RPS6KC1: variants seen among roughly 807,000 people sequenced by gnomAD.
RPS6KC1 encodes the protein inactive ribosomal protein S6 kinase delta-1.
A neutral mutation model predicts 103.8 loss-of-function variants in RPS6KC1; 54 were observed. The observed-to-expected ratio is 0.52, with a 90% CI of 0.42 to 0.65. RPS6KC1 has a LOEUF of 0.65. Among genes scored for constraint, RPS6KC1 ranks in the 30% least tolerant of loss-of-function variants. The probability of loss-of-function intolerance (pLI) is 0.00; values close to 1 mark genes in which losing one functional copy is unlikely to be tolerated. For missense variants in RPS6KC1, 1,151 were observed against 1,253.8 expected, an observed-to-expected ratio of 0.92 and a Z score of 1.24; for synonymous variants, 439 against 438.7, an observed-to-expected ratio of 1.00 and a Z score of -0.01.
At chr1:213,389,791 A>G in the RPS6KC1 span, among the ~76,000 whole-genome samples, 1 of 152,124 alleles carries the variant, frequency 6.6e-6, no homozygotes, top group Non-Finnish European at 1.5e-5. Context: ...GCACCCGAGC[A>G]AAGGGCAATC....
intron 3 of RPS6KC1, among the ~76,000 whole-genome samples, chr1:213,081,881 C>T (rs1306263979): frequency 6.6e-6 from 1 of 152,124 alleles, no homozygotes; most frequent in Non-Finnish European, 1.5e-5. Flanking sequence ...CGTTGAATGA[C>T]AGTTAACAGC....
chr1:213,356,687 C>T, the RPS6KC1 span, among the ~76,000 whole-genome samples: 21 of 152,212 alleles, frequency 1.4e-4, no homozygotes, highest in Non-Finnish European at 2.4e-4. Context: ...AAGCCTGCCC[C>T]CAGATAACGT....
chr1:213,658,877 C>T, the RPS6KC1 span, among the ~76,000 whole-genome samples: 2 of 152,170 alleles, frequency 1.3e-5, no homozygotes, highest in Non-Finnish European at 2.9e-5. Flanking sequence ...CTCTGCATCT[C>T]CAGCCCTCCG....
chr1:213,211,344 A>G (rs917829819), intron 8 of RPS6KC1, among the ~76,000 whole-genome samples: 1 of 152,256 alleles, frequency 6.6e-6, no homozygotes, highest in African/African-American at 2.4e-5. Context: ...CAGATTCTTC[A>G]CAAAAACAGA....
At chr1:213,437,994 A>T in the RPS6KC1 span, among the ~76,000 whole-genome samples, 2 of 150,928 alleles carry the variant, frequency 1.3e-5, no homozygotes, top group South Asian at 2.1e-4. Flanking sequence ...ATTTCAATTC[A>T]TTTTTTTACT....
At chr1:213,231,368 T>A (rs2094101555) in intron 9 of RPS6KC1, among the ~76,000 whole-genome samples, 1 of 152,184 alleles carries the variant, frequency 6.6e-6, no homozygotes, top group South Asian at 2.1e-4. Flanking sequence ...ACTAAATGAA[T>A]AAGGAGAGAG....
intron 7 of RPS6KC1, among the ~76,000 whole-genome samples, chr1:213,174,093 A>G (rs913818941): frequency 6.6e-5 from 10 of 152,190 alleles, no homozygotes; most frequent in Non-Finnish European, 1.5e-4. Flanking sequence ...CTTTTGCCAA[A>G]ATCACAAGCA....
chr1:213,441,460 G>A, the RPS6KC1 span, among the ~76,000 whole-genome samples: 1 of 152,088 alleles, frequency 6.6e-6, no homozygotes, highest in Admixed American at 6.6e-5. Flanking sequence ...TCTGTGCCTG[G>A]CTTATTTCAC....
At chr1:213,196,951 C>T (rs1296623018) in intron 8 of RPS6KC1, among the ~76,000 whole-genome samples, 1 of 152,154 alleles carries the variant, frequency 6.6e-6, no homozygotes, top group Non-Finnish European at 1.5e-5. Flanking sequence ...ATTCTTCTGC[C>T]TCAGCCTCCT....
At chr1:213,346,657 T>A in the RPS6KC1 span, among the ~76,000 whole-genome samples, 2 of 152,194 alleles carry the variant, frequency 1.3e-5, no homozygotes, top group Non-Finnish European at 2.9e-5. Context: ...ATAATCTGTG[T>A]GTACTGACAT....
chr1:213,488,776 C>T, the RPS6KC1 span, among the ~76,000 whole-genome samples: 4 of 152,170 alleles, frequency 2.6e-5, no homozygotes, highest in Non-Finnish European at 5.9e-5. Flanking sequence ...TCCAAAGATT[C>T]CAATCTTTAT....
the RPS6KC1 span, among the ~76,000 whole-genome samples, chr1:213,850,796 C>CT: frequency 0.59 from 83,820 of 142,022 alleles, 25,184 homozygotes; most frequent in East Asian, 0.76. Context: ...GCTTACTTGG[C>CT]TTTTTTTTTT....
At chr1:213,300,186 A>G in the RPS6KC1 span, among the ~76,000 whole-genome samples, 1 of 152,222 alleles carries the variant, frequency 6.6e-6, no homozygotes, top group South Asian at 2.1e-4. Context: ...TAGAAGAAAA[A>G]CACTTTACAT....
chr1:213,358,129 C>G, the RPS6KC1 span, among the ~76,000 whole-genome samples: 8 of 148,120 alleles, frequency 5.4e-5, no homozygotes, highest in East Asian at 1.3e-3. Flanking sequence ...GCTTTGGTAT[C>G]AGGATGATGC....
At chr1:213,193,678 C>T (rs2092833451) in intron 8 of RPS6KC1, among the ~76,000 whole-genome samples, 1 of 152,122 alleles carries the variant, frequency 6.6e-6, no homozygotes, top group South Asian at 2.1e-4. Context: ...CTACGTCACC[C>T]AGGCTGGAGT....
chr1:213,603,792 G>A, the RPS6KC1 span, among the ~76,000 whole-genome samples: 1 of 151,822 alleles, frequency 6.6e-6, no homozygotes, highest in Admixed American at 6.6e-5. Flanking sequence ...CCCAGGAGGC[G>A]CAGGTTGCAG....
At chr1:213,645,074 G>A in the RPS6KC1 span, among the ~76,000 whole-genome samples, 1 of 152,156 alleles carries the variant, frequency 6.6e-6, no homozygotes, top group African/African-American at 2.4e-5. Flanking sequence ...TAATTTAAGA[G>A]GAAGGGAGGT....
At chr1:213,559,119 C>A in the RPS6KC1 span, among the ~76,000 whole-genome samples, 1 of 152,284 alleles carries the variant, frequency 6.6e-6, no homozygotes, top group South Asian at 2.1e-4. Flanking sequence ...AAATTGAAAT[C>A]TTCACAGGGA....
chr1:213,282,688 C>T, the RPS6KC1 span, among the ~76,000 whole-genome samples: 2 of 152,220 alleles, frequency 1.3e-5, no homozygotes, highest in African/African-American at 4.8e-5. Context: ...ATTGATGAGG[C>T]TCTGGAGCTT....
Sources: gnomAD v4.1 joint callset for allele counts (sites outside exome capture counted in the v4.1 genomes callset) on GRCh38, gnomAD v4.1.1 for gene constraint, MANE v1.5 for transcripts, NCBI Gene and HGNC (gene_info 2026-07-23, HGNC 2026-07-21) for gene names.